Variants in C1orf167 observed in about 807,000 individuals in gnomAD.
C1orf167 encodes chromosome 1 open reading frame 167.
C1orf167 carries 153 observed loss-of-function variants against 176.5 expected under a neutral mutation model. That is an observed-to-expected ratio of 0.87 (90% confidence interval 0.76 to 0.99). The LOEUF is 0.99. Ranked by LOEUF, C1orf167 falls within the 50% of genes least tolerant of loss-of-function variation. The probability of loss-of-function intolerance (pLI) is 0.00; values close to 1 mark genes in which losing one functional copy is unlikely to be tolerated. For synonymous variants in C1orf167, 594 were observed against 752.7 expected, an observed-to-expected ratio of 0.79 and a Z score of 3.45; for missense variants, 1,490 against 1,817.7, an observed-to-expected ratio of 0.82 and a Z score of 3.28.
chr1:11,766,174 A>T lies in C1orf167; in HGVS notation c.388A>T (p.Thr130Ser). ...IQQSNLSINE[T>S]SSPHLCPEPG... is the part of the protein sequence containing the mutation. ...GCAGAGCAACCTGAGCATCAACGAG[A>T]CCAGCAGCCCCCACCTCTGCCCAGA... The change falls in exon 3 of 21, where the codon ACC becomes TCC. Residue 130 changes from threonine to serine, a missense_variant. By Grantham distance (58) the Thr-to-Ser change is moderately conservative. Transcript: ENST00000688073. The surrounding 1 kb of genome is among the most constrained non-coding windows in gnomAD (Gnocchi z 4.5). 1 of 1,289,742 alleles carries T rather than the reference A, an allele frequency of 7.8e-7. No homozygotes were observed. Among genetic ancestry groups the T allele is most frequent in the Non-Finnish European group, 1.0e-6 (1 of 988,818 alleles). The allele number at this position is 1,289,742 out of a possible 1,614,324, so 79.9% of individuals were successfully genotyped here.
At chr1:11,784,822 C>G (rs767846297) in intron 15 of C1orf167, among the ~76,000 whole-genome samples, 2 of 152,206 alleles carry the variant, frequency 1.3e-5, no homozygotes, top group African/African-American at 2.4e-5. Context: ...AATGGTCATG[C>G]CTTGCAGTCA....
At position 11,779,922 on chromosome 1, in the gene C1orf167, G is replaced by C; in HGVS notation, c.2772G>C (p.Leu924=). Residue 924 remains leucine (L), a synonymous_variant, in exon 13 of 21, where the codon CTG becomes CTC. Transcript: ENST00000688073. ...AVLGLWRQRL[L]QSRLVEWWAQ... ...TGGGCCTGTGGCGTCAGCGGCTGCT[G>C]CAGTCACGGCTGGTGGAGTGGTGGG... is the stretch of plus-strand genomic sequence containing the variant. 7.7e-7 allele frequency: 1 copy of C among 1,302,478 alleles called. No homozygotes were observed. The highest frequency in any genetic ancestry group is 1.0e-6 in the Non-Finnish European group (1 of 988,652). The allele number at this position is 1,302,478 out of a possible 1,614,324, so 80.7% of individuals were successfully genotyped here. A position where few individuals can be genotyped will look rare whatever the true frequency, so the allele number is the denominator to read the frequency against.
intron 1 of C1orf167, among the ~76,000 whole-genome samples, chr1:11,763,098 C>T (rs1053121543): frequency 1.3e-5 from 2 of 152,004 alleles, no homozygotes; most frequent in African/African-American, 2.4e-5. Flanking sequence ...GGACAGTGGG[C>T]AAGGGGAAGA....
intron 6 of C1orf167, among the ~76,000 whole-genome samples, chr1:11,771,066 T>TAC (rs1417225532): frequency 3.4e-5 from 3 of 88,928 alleles, no homozygotes; most frequent in Non-Finnish European, 6.4e-5. Context: ...TATATATATA[T>TAC]ATATTTTTTT....
chr1:11,788,252 C>A lies in C1orf167; in HGVS notation c.3952C>A (p.Pro1318Thr). The change falls in exon 19 of 21, where the codon CCT (proline) becomes ACT (threonine). Residue 1318 changes from proline (P) to threonine (T), a missense_variant. Transcript: ENST00000688073. ...TGCTCTTGGCCATCAGGAGGAAGTA[C>A]CTGCAGCGCCGGTGCCTCGAGGCAC... The part of the protein sequence containing the change: ...HDALGHQEEV[P>T]AAPVPRGTAS... 1 of 1,303,866 alleles carries A rather than the reference C, an allele frequency of 7.7e-7. No homozygotes were observed. 80.8% of individuals were successfully genotyped at this position (1,303,866 alleles called of 1,614,324 possible).
At chr1:11,772,655 C>A (rs144512967) in intron 8 of C1orf167, among the ~76,000 whole-genome samples, 1 of 152,086 alleles carries the variant, frequency 6.6e-6, no homozygotes, top group Non-Finnish European at 1.5e-5. Flanking sequence ...ACTGAGCATG[C>A]CTAGAACATG....
chr1:11,780,028 C>A lies in C1orf167; in HGVS notation c.2860+18C>A. 8.0e-7 allele frequency: 1 copy of A among 1,256,760 alleles called. No individual in the cohort carries two copies. Among genetic ancestry groups the A allele is most frequent in the Non-Finnish European group, 1.0e-6 (1 of 959,612 alleles). 77.9% of individuals were successfully genotyped at this position (1,256,760 alleles called of 1,614,324 possible). A position where few individuals can be genotyped will look rare whatever the true frequency, so the allele number is the denominator to read the frequency against. On this transcript the variant is annotated intron_variant, in intron 13 of 20. Transcript: ENST00000688073. ...TTGGCAGGGTGAGTGGAGACTTGGT[C>A]GGGGGCACTGCGGGTGAGGGCAGGG... is the stretch of plus-strand genomic sequence containing the variant.
chr1:11,788,058 C>A lies in C1orf167; in HGVS notation c.3848+11C>A. The A allele has an allele frequency of 7.8e-7, 1 of 1,289,876 alleles. No homozygotes were observed. Among genetic ancestry groups the A allele is most frequent in the South Asian group, 1.3e-5 (1 of 79,474 alleles). The allele number at this position is 1,289,876 out of a possible 1,614,324, so 79.9% of individuals were successfully genotyped here. ...TAAACGGAGGCTACGGTAAGAGGAGCTGTGTGTGCAGTTTGGTGGGTCCGA... is the reference window on the plus strand; with the variant it reads ...TAAACGGAGGCTACGGTAAGAGGAGATGTGTGTGCAGTTTGGTGGGTCCGA... On this transcript the variant is annotated intron_variant, in intron 18 of 20. Transcript: ENST00000688073.
chr1:11,784,286 T>C lies in C1orf167; in HGVS notation c.3118T>C (p.Trp1040Arg), dbSNP rs1419281586. 3 of 1,303,496 alleles carry C rather than the reference T, an allele frequency of 2.3e-6. No homozygotes were observed. Among genetic ancestry groups the C allele is most frequent in the Non-Finnish European group, 3.0e-6 (3 of 988,616 alleles). 80.7% of individuals were successfully genotyped at this position (1,303,496 alleles called of 1,614,324 possible). ...AGCACTGGGGGCCGTGTTTGCCACA[T>C]GGCGGGAAGCCCAGGAAGTGGCAGC... Reference protein sequence around the residue: ...RRALGAVFATWREAQEVAAGA... With the variant: ...RRALGAVFATRREAQEVAAGA... The change falls in exon 15 of 21, where the codon TGG (tryptophan) becomes CGG (arginine). Residue 1040 changes from tryptophan to arginine, a missense_variant. By Grantham distance (101) the Trp-to-Arg change is moderately radical (BLOSUM62 -3). Coordinates refer to ENST00000688073, the MANE Select transcript of C1orf167 (RefSeq NM_001010881.2).
intron 2 of C1orf167, 73 bp downstream of exon 2, chr1:11,764,543 C>G (rs1037569605): frequency 3.3e-6 from 4 of 1,224,370 alleles, no homozygotes; most frequent in East Asian, 5.7e-5. Flanking sequence ...CCAGAGCCCC[C>G]CTCCCAGGCA....
chr1:11,788,559 T>C (rs1487317643), intron 19 of C1orf167, 93 bp from the exon 20 acceptor site: 2 of 1,168,694 alleles, frequency 1.7e-6, no homozygotes, highest in East Asian at 5.8e-5. Context: ...CCTTTCACTC[T>C]GGTGCAGCAG....
chr1:11,767,972 C>A, intron 4 of C1orf167, 105 bp from the exon 5 acceptor site: 1 of 887,798 alleles, frequency 1.1e-6, no homozygotes, highest in Non-Finnish European at 1.5e-6. Flanking sequence ...TGGGTCATCA[C>A]CCTACTGATT....
chr1:11,765,783 C>T (rs1003816291), intron 2 of C1orf167, 74 bp from the exon 3 acceptor site: 64 of 1,158,956 alleles, frequency 5.5e-5, no homozygotes, highest in Non-Finnish European at 6.1e-5. Context: ...TCCCTGGCTC[C>T]GAGGCCTGGA....
chr1:11,768,149 G>A lies in C1orf167; in HGVS notation c.1416G>A (p.Ala472=), dbSNP rs751295176. ...LVKRQREPAA[A]AVALGRWQLL... ...AGAGGCAGCGGGAGCCAGCGGCGGC[G>A]GCAGTGGCACTGGGCCGCTGGCAGC... Residue 472 remains alanine, a synonymous_variant, in exon 5 of 21, where the codon GCG becomes GCA. Coordinates refer to ENST00000688073, the MANE Select transcript of C1orf167 (RefSeq NM_001010881.2). This position sits in a 1 kb window ranked among gnomAD's most constrained non-coding sequence, Gnocchi z 4.5. The A allele has an allele frequency of 7.0e-5, 90 of 1,287,816 alleles. No individual in the cohort carries two copies. The highest frequency in any genetic ancestry group is 8.5e-5 in the Non-Finnish European group (84 of 987,294). 79.8% of individuals were successfully genotyped at this position (1,287,816 alleles called of 1,614,324 possible). A position where few individuals can be genotyped will look rare whatever the true frequency, so the allele number is the denominator to read the frequency against.
In C1orf167 at chr1:11,768,166, G is replaced by T. The variant is rs755426326; in HGVS notation, c.1433G>T (p.Arg478Leu). 7.8e-7 allele frequency: 1 copy of T among 1,287,848 alleles called. No individual in the cohort carries two copies. Among genetic ancestry groups the T allele is most frequent in the Non-Finnish European group, 1.0e-6 (1 of 987,280 alleles). The allele number at this position is 1,287,848 out of a possible 1,614,324, so 79.8% of individuals were successfully genotyped here. ...GCGGCGGCGGCAGTGGCACTGGGCC[G>T]CTGGCAGCTGTTGCGAAAGTGCCTT... ...EPAAAAVALG[R>L]WQLLRKCLQA... The change falls in exon 5 of 21, where the codon CGC (arginine) becomes CTC (leucine). Residue 478 changes from arginine to leucine, a missense_variant. Arg to Leu is a moderately radical substitution (Grantham distance 102). Coordinates refer to ENST00000688073, the MANE Select transcript of C1orf167 (RefSeq NM_001010881.2). The surrounding 1 kb of genome is among the most constrained non-coding windows in gnomAD (Gnocchi z 4.5).
Position 11,764,433 on chromosome 1 carries a change from G to T in C1orf167, c.33G>T (p.Glu11Asp). The change falls in exon 2 of 21, where the codon GAG (glutamate) becomes GAT (aspartate). Residue 11 changes from glutamate (E) to aspartate (D), a missense_variant. Glu to Asp is a conservative substitution (Grantham distance 45). Transcript: ENST00000688073. MELRSDASHK[E>D]NVSPKPAALP... is the part of the protein sequence containing the mutation. The stretch of plus-strand genomic sequence containing the variant: ...TAAGGTCTGATGCCAGCCACAAGGA[G>T]AATGTGTCCCCAAAGCCTGCAGCGC... 1 of 1,289,444 alleles carries T rather than the reference G, an allele frequency of 7.8e-7. No homozygotes were observed. Among genetic ancestry groups the T allele is most frequent in the African/African-American group, 1.5e-5 (1 of 66,000 alleles). The allele number at this position is 1,289,444 out of a possible 1,614,324, so 79.9% of individuals were successfully genotyped here. A position where few individuals can be genotyped will look rare whatever the true frequency, so the allele number is the denominator to read the frequency against.
intron 1 of C1orf167, 29 bp downstream of exon 1, chr1:11,762,334 C>T (rs1473964484): frequency 2.7e-6 from 1 of 366,760 alleles, no homozygotes; most frequent in Non-Finnish European, 5.5e-6. Flanking sequence ...GGGCAGGAAA[C>T]TGACCTCAGA....
In C1orf167 at chr1:11,771,552, G is replaced by C. The variant is rs1387228599; in HGVS notation, c.1726G>C (p.Ala576Pro). 1 of 1,289,736 alleles carries C rather than the reference G, an allele frequency of 7.8e-7. No homozygotes were observed. The highest frequency in any genetic ancestry group is 1.0e-6 in the Non-Finnish European group (1 of 988,846). 79.9% of individuals were successfully genotyped at this position (1,289,736 alleles called of 1,614,324 possible). ...AGGAAGTCTGAGGGAGGAGGAGATT[G>C]CTCAGCGGCTTCTGTCACATCCTAG... ...SPGSLREEEI[A>P]QRLLSHPRQR... The change falls in exon 7 of 21, where the codon GCT becomes CCT. Residue 576 changes from alanine to proline, a missense_variant. By Grantham distance (27) the Ala-to-Pro change is conservative. Transcript: ENST00000688073.
intron 15 of C1orf167, among the ~76,000 whole-genome samples, chr1:11,784,858 C>T (rs1441809071): frequency 3.3e-5 from 5 of 152,220 alleles, no homozygotes; most frequent in Admixed American, 2.0e-4. Flanking sequence ...ACTCAGCAAG[C>T]GCCATAAACG....
Sources: gnomAD v4.1 joint callset for allele counts (sites outside exome capture counted in the v4.1 genomes callset) on GRCh38, gnomAD v4.1.1 for gene constraint, Gnocchi (gnomAD v3.1) non-coding constraint, MANE v1.5 for transcripts, NCBI Gene and HGNC (gene_info 2026-07-23, HGNC 2026-07-21) for gene names.